KCNK10: variants seen among roughly 807,000 people sequenced by gnomAD.
KCNK10 encodes the protein potassium channel subfamily K member 10.
Under a neutral mutation model 47.7 loss-of-function variants are expected in KCNK10, and 25 were observed. The ratio of observed to expected loss-of-function variants is 0.52; its 90% CI spans 0.38 to 0.73. KCNK10 has a LOEUF of 0.73. Ranked by LOEUF, KCNK10 falls within the 30% of genes least tolerant of loss-of-function variation. The pLI, the probability that KCNK10 is intolerant of heterozygous loss-of-function variation, is 0.00. For missense variants in KCNK10, 563 were observed against 714.5 expected, an observed-to-expected ratio of 0.79 and a Z score of 2.42; for synonymous variants, 303 against 285.6, an observed-to-expected ratio of 1.06 and a Z score of -0.61.
intron 2 of KCNK10, among the ~76,000 whole-genome samples, chr14:88,241,277 G>A (rs1246528814): frequency 6.6e-6 from 1 of 152,196 alleles, no homozygotes; most frequent in Non-Finnish European, 1.5e-5. Context: ...AGCCATCCTG[G>A]CTGTGGCCGT....
chr14:88,243,840 C>A (rs532973053), intron 2 of KCNK10, among the ~76,000 whole-genome samples: 41 of 150,962 alleles, frequency 2.7e-4, no homozygotes, highest in African/African-American at 9.0e-4. Context: ...ATGCCCAAGT[C>A]TTTGAAGAGC....
intron 1 of KCNK10, among the ~76,000 whole-genome samples, chr14:88,318,626 C>T (rs138139236): frequency 8.4e-4 from 128 of 152,230 alleles, no homozygotes; most frequent in Middle Eastern, 3.4e-3. Flanking sequence ...GAATTCCAAG[C>T]GCAAAGGCCC....
intron 1 of KCNK10, 55 bp from the exon 2 acceptor site, chr14:88,263,606 C>CA (rs1887178548): frequency 6.9e-7 from 1 of 1,446,596 alleles, no homozygotes; most frequent in Non-Finnish European, 9.4e-7. Flanking sequence ...TAAATAAATA[C>CA]AAAACGTGTC....
intron 3 of KCNK10, among the ~76,000 whole-genome samples, chr14:88,229,851 G>T (rs1399392471): frequency 6.6e-6 from 1 of 152,110 alleles, no homozygotes; most frequent in Non-Finnish European, 1.5e-5. Flanking sequence ...TGGATTTGGG[G>T]ATCTAGTTAC....
chr14:88,190,477 T>G (rs17762565), intron 5 of KCNK10, among the ~76,000 whole-genome samples: 33,134 of 152,154 alleles, frequency 0.22, 4,697 homozygotes, highest in Non-Finnish European at 0.31. Flanking sequence ...CTTACTTTTC[T>G]CAGTTTCTCT....
At chr14:88,319,033 C>T (rs115695839) in intron 1 of KCNK10, among the ~76,000 whole-genome samples, 1,956 of 152,194 alleles carry the variant, frequency 0.013, 33 homozygotes, top group African/African-American at 0.045. Context: ...TTAAAGTGCA[C>T]GTAAATTCTG....
At chr14:88,209,365 G>A (rs1223934993) in intron 4 of KCNK10, among the ~76,000 whole-genome samples, 2 of 152,144 alleles carry the variant, frequency 1.3e-5, no homozygotes, top group African/African-American at 4.8e-5. Context: ...CTGCGTATGT[G>A]GTAAGATCAC....
Position 88,213,159 on chromosome 14 carries a change from C to T in KCNK10, c.681+14216G>A, listed in dbSNP as rs577789858. ...AACACATAGATCACACACCCAGCTCCGTGATGAGCACACTCAATTCAATAA... is the reference window on the plus strand; with the variant it reads ...AACACATAGATCACACACCCAGCTCTGTGATGAGCACACTCAATTCAATAA... On this transcript the variant is annotated intron_variant, in intron 4 of 6. Coordinates refer to ENST00000319231, the MANE Select transcript of KCNK10 (RefSeq NM_138317.3). Among the ~76,000 whole-genome samples the T allele has an allele frequency of 1.1e-3, 169 of 152,242 alleles. 1 individual carries two copies. Among genetic ancestry groups the T allele is most frequent in the African/African-American group, 3.7e-3 (152 of 41,518 alleles).
chr14:88,310,862 C>T (rs1435786806), intron 1 of KCNK10, among the ~76,000 whole-genome samples: 1 of 152,130 alleles, frequency 6.6e-6, no homozygotes, highest in Middle Eastern at 3.2e-3. Flanking sequence ...GAACTGAGAG[C>T]CACATGCTTC....
chr14:88,251,903 G>A (rs910823314), intron 2 of KCNK10, among the ~76,000 whole-genome samples: 4 of 152,118 alleles, frequency 2.6e-5, no homozygotes, highest in Non-Finnish European at 5.9e-5. Flanking sequence ...CTCTCTGCCT[G>A]GAATCTTTGT....
intron 1 of KCNK10, among the ~76,000 whole-genome samples, chr14:88,304,059 T>C (rs191246951): frequency 6.6e-6 from 1 of 152,224 alleles, no homozygotes; most frequent in Non-Finnish European, 1.5e-5. Flanking sequence ...TTAATAAATA[T>C]ACTAAATTGT....
Position 88,192,205 on chromosome 14 carries a change from G to A in KCNK10, c.868+19C>T. 6.3e-7 allele frequency: 1 copy of A among 1,595,816 alleles called. No individual in the cohort carries two copies. On this transcript the variant is annotated intron_variant, in intron 5 of 6. Transcript: ENST00000319231. The stretch of plus-strand genomic sequence containing the variant: ...TTTCCCGCCAGAGCCCCAGTGCCTG[G>A]CCTGCCCAGGGTGCTTACCTGCCAC...
At chr14:88,273,217 T>A (rs1448256512) in intron 1 of KCNK10, among the ~76,000 whole-genome samples, 1 of 152,000 alleles carries the variant, frequency 6.6e-6, no homozygotes, top group Non-Finnish European at 1.5e-5. Context: ...GGGGGATGCA[T>A]GACAGAGAAA....
chr14:88,285,321 G>A (rs140272020), intron 1 of KCNK10, among the ~76,000 whole-genome samples: 1,886 of 152,074 alleles, frequency 0.012, 39 homozygotes, highest in African/African-American at 0.043. Context: ...CATGTTGGCC[G>A]GGGTAGTCTA....
At chr14:88,270,940 G>A (rs769558527) in intron 1 of KCNK10, 115 of 707,760 alleles carry the variant, frequency 1.6e-4, no homozygotes, top group Middle Eastern at 2.5e-4. Context: ...AGGACCTGGC[G>A]CCTGCCTATC....
upstream of KCNK10, chr14:88,326,607 G>T (rs3742688): frequency 0.14 from 88,665 of 625,932 alleles, 7,421 homozygotes; most frequent in African/African-American, 0.3. Context: ...AAGTCTCCCT[G>T]CACTCGCCGG....
At chr14:88,256,903 G>A (rs917899991) in intron 2 of KCNK10, among the ~76,000 whole-genome samples, 10 of 151,956 alleles carry the variant, frequency 6.6e-5, no homozygotes, top group South Asian at 2.1e-4. Flanking sequence ...CACCGTGATC[G>A]CAATCTCCAT....
intron 4 of KCNK10, among the ~76,000 whole-genome samples, chr14:88,203,434 G>T (rs11623331): frequency 2.5e-3 from 379 of 152,316 alleles, no homozygotes; most frequent in Non-Finnish European, 4.3e-3. Flanking sequence ...AGGGCAAGCT[G>T]GCTTCAGCTG....
chr14:88,297,740 C>T (rs10467850), intron 1 of KCNK10, among the ~76,000 whole-genome samples: 1,945 of 152,266 alleles, frequency 0.013, 53 homozygotes, highest in African/African-American at 0.045. Context: ...AATTGCTTTG[C>T]CCTATTCATT....
Sources: allele counts gnomAD v4.1 joint callset (sites outside exome capture counted in the v4.1 genomes callset), GRCh38; gene constraint gnomAD v4.1.1; transcripts MANE v1.5; gene names NCBI Gene and HGNC (gene_info 2026-07-23, HGNC 2026-07-21).